The following F2RL2 variants were observed in gnomAD, a reference collection of about 807,000 sequenced individuals.
The protein encoded by F2RL2 is coagulation factor II thrombin receptor like 2.
F2RL2 carries 4 observed loss-of-function variants against 4.3 expected under a neutral mutation model. The observed-to-expected ratio is 0.93, with a 90% CI of 0.46 to 2.12. F2RL2 has a LOEUF of 2.12. Ranked by LOEUF, F2RL2 falls within the 30% of genes most tolerant of loss-of-function variation. F2RL2 has a pLI of 0.02. For missense variants in F2RL2, 408 were observed against 449.3 expected (o/e 0.91, Z 0.83); for synonymous variants, 166 against 170.9 (o/e 0.97, Z 0.22).
In F2RL2 at chr5:76,617,178, G is replaced by A. The variant is rs181385728; in HGVS notation, c.*404C>T. 239 of 163,278 alleles carry A rather than the reference G, an allele frequency of 1.5e-3. No individual in the cohort carries two copies. The highest frequency in any genetic ancestry group is 5.5e-3 in the African/African-American group (228 of 41,758). The allele number at this position is 163,278 out of a possible 1,614,324, so 10.1% of individuals were successfully genotyped here. A position where few individuals can be genotyped will look rare whatever the true frequency, so the allele number is the denominator to read the frequency against. On this transcript the variant is annotated 3_prime_UTR_variant, in exon 2 of 2. Transcript: ENST00000296641. Reference sequence around the variant, plus strand: ...ATTACTAATGCTGGCTGGCTCAGTGGCTCACGCCTGTAATCCAGCACTTTG... The same window carrying A: ...ATTACTAATGCTGGCTGGCTCAGTGACTCACGCCTGTAATCCAGCACTTTG...
In F2RL2 at chr5:76,623,149, C is replaced by G. The variant is rs753113982; in HGVS notation, c.64+18G>C. 4.8e-5 allele frequency: 78 copies of G among 1,613,608 alleles called. No homozygotes were observed. The South Asian group carries it at 8.3e-4, about 17-fold the overall frequency. On this transcript the variant is annotated intron_variant, in intron 1 of 1. Transcript: ENST00000296641. ...AGAAACCCACATCCCCATCCTACCC[C>G]CTGAGAAAATTGCTTACCACTCTGA...
Position 76,618,397 on chromosome 5 carries a change from C to A in F2RL2, c.310G>T (p.Val104Leu), listed in dbSNP as rs749467902. 6 of 1,614,200 alleles carry A rather than the reference C, an allele frequency of 3.7e-6. No homozygotes were observed. The highest frequency in any genetic ancestry group is 1.1e-5 in the South Asian group (1 of 91,090). ...TKLIPAIYLL[V>L]FVVGVPANAV... The stretch of plus-strand genomic sequence containing the variant: ...TTGGCCGGGACACCAACTACAAACA[C>A]CAGGAGGTAGATGGCAGGTATCAGT... Residue 104 changes from valine (V) to leucine (L), a missense_variant, in exon 2 of 2, where the codon GTG becomes TTG. By Grantham distance (32) the Val-to-Leu change is conservative. Transcript: ENST00000296641.
rs1458130687 is a variant in F2RL2, at chr5:76,618,293, TG to T, written c.413del (p.Ala138GlufsTer13). 1 of 1,614,184 alleles carries T rather than the reference TG, an allele frequency of 6.2e-7. No individual in the cohort carries two copies. Among genetic ancestry groups the T allele is most frequent in the Non-Finnish European group, 8.5e-7 (1 of 1,180,014 alleles). Reference sequence around the variant, plus strand: ...GCAATGTAACACAAAAAAGAAAATCTGCAATGGCCAGGTTGGTGTAGAATAC... The same window carrying T: ...GCAATGTAACACAAAAAAGAAAATCTCAATGGCCAGGTTGGTGTAGAATAC... ...TTVFYTNLAI[A>X]DFLFCVTLPF... On this transcript the variant is annotated frameshift_variant, in exon 2 of 2. Transcript: ENST00000296641. LOFTEE classifies it low-confidence loss of function (END_TRUNC).
At position 76,617,466 on chromosome 5, in the gene F2RL2, C is replaced by T. The variant is rs190180917; in HGVS notation, c.*116G>A. On this transcript the variant is annotated 3_prime_UTR_variant, in exon 2 of 2. Transcript: ENST00000296641. ...CTACTAATGCTTTTGTAATGTTTGA[C>T]CTTTGAAGCATATTTCTTAGGAGCT... 1.4e-6 allele frequency: 1 copy of T among 727,966 alleles called. No homozygotes were observed. The highest frequency in any genetic ancestry group is 2.2e-6 in the Non-Finnish European group (1 of 445,540). 45.1% of individuals were successfully genotyped at this position (727,966 alleles called of 1,614,324 possible). A position where few individuals can be genotyped will look rare whatever the true frequency, so the allele number is the denominator to read the frequency against.
intron 1 of F2RL2, among the ~76,000 whole-genome samples, chr5:76,620,451 G>A (rs1749535550): frequency 6.6e-6 from 1 of 152,144 alleles, no homozygotes; most frequent in Non-Finnish European, 1.5e-5. Flanking sequence ...TGGAGGGAGA[G>A]GATGCCATTA....
rs748342168 is a variant in F2RL2 at position 76,618,607 on chromosome 5, T to G, written c.100A>C (p.Thr34Pro). 1.2e-6 allele frequency: 2 copies of G among 1,613,416 alleles called. No individual in the cohort carries two copies. Among genetic ancestry groups the G allele is most frequent in the Non-Finnish European group, 1.7e-6 (2 of 1,179,752 alleles). ...CCACGAAAGGTCTTAATGGGTAAGG[T>G]TGGCTTTGCCAAGTTGTTTGTATCA... ...ENDTNNLAKP[T>P]LPIKTFRGAP... The change falls in exon 2 of 2, where the codon ACC (threonine) becomes CCC (proline). Residue 34 changes from threonine to proline, a missense_variant. Transcript: ENST00000296641.
At chr5:76,622,974 T>C (rs1205397561) in intron 1 of F2RL2, among the ~76,000 whole-genome samples, 193 bp downstream of exon 1, 1 of 152,210 alleles carries the variant, frequency 6.6e-6, no homozygotes, top group Non-Finnish European at 1.5e-5. Flanking sequence ...GAACACTTAG[T>C]CTATGACCAG....
At chr5:76,621,573 C>T (rs1038798217) in intron 1 of F2RL2, among the ~76,000 whole-genome samples, 3 of 152,156 alleles carry the variant, frequency 2.0e-5, no homozygotes, top group Non-Finnish European at 4.4e-5. Context: ...TTTTAAAAAG[C>T]TGTTAAAACC....
Position 76,617,915 on chromosome 5 carries a change from G to GATGA in F2RL2, c.788_791dup (p.Ser265HisfsTer27). On this transcript the variant is annotated frameshift_variant, in exon 2 of 2. Transcript: ENST00000296641. LOFTEE classifies it low-confidence loss of function (END_TRUNC). ...TTAAGAATCCAAAGAATGCCAAGGA[G>GATGA]ATGAAGTAATAGAGTTGGAAGGGAG... 1 of 1,614,148 alleles carries GATGA rather than the reference G, an allele frequency of 6.2e-7. No individual in the cohort carries two copies. Among genetic ancestry groups the GATGA allele is most frequent in the Non-Finnish European group, 8.5e-7 (1 of 1,180,030 alleles).
At chr5:76,622,076 G>A (rs1749741079) in intron 1 of F2RL2, among the ~76,000 whole-genome samples, 1 of 152,056 alleles carries the variant, frequency 6.6e-6, no homozygotes, top group Admixed American at 6.6e-5. Flanking sequence ...ACGAAATAAG[G>A]CAGGTTGGAC....
intron 1 of F2RL2, among the ~76,000 whole-genome samples, chr5:76,619,875 A>G (rs556304144): frequency 6.6e-6 from 1 of 152,276 alleles, no homozygotes; most frequent in South Asian, 2.1e-4. Context: ...AAATATAATC[A>G]TAACAGTCCA....
chr5:76,621,783 T>C (rs1749698826), intron 1 of F2RL2, among the ~76,000 whole-genome samples: 1 of 152,196 alleles, frequency 6.6e-6, no homozygotes, highest in South Asian at 2.1e-4. Flanking sequence ...TTGTTAAATT[T>C]TTTTATTGTA....
rs762756940 is a variant in F2RL2 at position 76,617,559 on chromosome 5, C to G, written c.*23G>C. The stretch of plus-strand genomic sequence containing the variant: ...AACAGACGTTCTCTGTGATGGCTGT[C>G]CTTGTTCTCTAAGATCATTTCACTA... On this transcript the variant is annotated 3_prime_UTR_variant, in exon 2 of 2. Coordinates refer to ENST00000296641, the MANE Select transcript of F2RL2 (RefSeq NM_004101.4). The G allele has an allele frequency of 6.4e-7, 1 of 1,571,352 alleles. No individual in the cohort carries two copies. Among genetic ancestry groups the G allele is most frequent in the Non-Finnish European group, 8.7e-7 (1 of 1,153,634 alleles).
At chr5:76,619,079 G>A (rs1749324950) in intron 1 of F2RL2, among the ~76,000 whole-genome samples, 1 of 152,218 alleles carries the variant, frequency 6.6e-6, no homozygotes, top group South Asian at 2.1e-4. Context: ...GTGATGAATG[G>A]ACAGAAGCAT....
intron 1 of F2RL2, among the ~76,000 whole-genome samples, 173 bp downstream of exon 1, chr5:76,622,994 G>C (rs989418837): frequency 1.3e-5 from 2 of 152,164 alleles, no homozygotes; most frequent in Non-Finnish European, 2.9e-5. Context: ...GGTTTGAATA[G>C]AGTGAATGAA....
chr5:76,621,103 T>C (rs1665246589), intron 1 of F2RL2, among the ~76,000 whole-genome samples: 1 of 152,216 alleles, frequency 6.6e-6, no homozygotes, highest in Admixed American at 6.5e-5. Flanking sequence ...TCTTGTCCCA[T>C]GGCCTCAAAA....
chr5:76,618,051 G>T lies in F2RL2; in HGVS notation c.656C>A (p.Ala219Glu). The change falls in exon 2 of 2, where the codon GCA becomes GAA. Residue 219 changes from alanine to glutamate, a missense_variant. By Grantham distance (107) the Ala-to-Glu change is moderately radical (BLOSUM62 -1). Coordinates refer to ENST00000296641, the MANE Select transcript of F2RL2 (RefSeq NM_004101.4). The stretch of plus-strand genomic sequence containing the variant: ...TGGCAGCATATATAAGAAAACTGTT[G>T]CCCACACCAGTCCACATGTTACCAA... Reference protein sequence around the residue: ...YALVTCGLVWATVFLYMLPFF... With the variant: ...YALVTCGLVWETVFLYMLPFF... 1 of 1,614,142 alleles carries T rather than the reference G, an allele frequency of 6.2e-7. No individual in the cohort carries two copies. The highest frequency in any genetic ancestry group is 1.1e-5 in the South Asian group (1 of 91,084).
Position 76,616,949 on chromosome 5 carries a change from C to T in F2RL2, c.*633G>A, listed in dbSNP as rs1285738932. 2 of 152,212 alleles carry T rather than the reference C, an allele frequency of 1.3e-5. No individual in the cohort carries two copies. The highest frequency in any genetic ancestry group is 1.9e-4 in the East Asian group (1 of 5,188). 9.4% of individuals were successfully genotyped at this position (152,212 alleles called of 1,614,324 possible). ...TAGAATCAGTTGATGAGGCAGCCAC[C>T]AGCATGAGAGTCAAAAGAGACCAAA... is the stretch of plus-strand genomic sequence containing the variant. On this transcript the variant is annotated 3_prime_UTR_variant, in exon 2 of 2. Transcript: ENST00000296641.
intron 1 of F2RL2, among the ~76,000 whole-genome samples, chr5:76,621,301 G>A (rs533255293): frequency 1.3e-5 from 2 of 152,288 alleles, no homozygotes; most frequent in African/African-American, 4.8e-5. Flanking sequence ...GTAACTGAGG[G>A]GTATGGAGGT....
Sources: allele counts gnomAD v4.1 joint callset (sites outside exome capture counted in the v4.1 genomes callset), GRCh38; gene constraint gnomAD v4.1.1; transcripts MANE v1.5; gene names NCBI Gene and HGNC (gene_info 2026-07-23, HGNC 2026-07-21).